Variants in POMGNT1 observed in about 807,000 individuals in gnomAD.
The protein encoded by POMGNT1 is protein O-linked-mannose beta-1,2-N-acetylglucosaminyltransferase 1.
In POMGNT1, 67 loss-of-function variants were observed where a neutral mutation model predicts 95.6. The observed-to-expected ratio is 0.70, with a 90% CI of 0.58 to 0.86. POMGNT1 has a LOEUF of 0.86. Ranked by LOEUF, POMGNT1 falls within the 40% of genes least tolerant of loss-of-function variation. POMGNT1 has a pLI of 0.00. For synonymous variants in POMGNT1, 298 were observed against 317.9 expected (o/e 0.94, Z 0.66); for missense variants, 719 against 855.2 (o/e 0.84, Z 1.99).
chr1:46,190,863 T>C (rs1657711868), intron 17 of POMGNT1, 79 bp from the exon 18 acceptor site: 1 of 1,341,972 alleles, frequency 7.5e-7, no homozygotes, highest in South Asian at 1.2e-5. Context: ...CAGACATCTA[T>C]AAGACACACA....
At chr1:46,207,377 T>G (rs1043211192) in intron 1 of POMGNT1, among the ~76,000 whole-genome samples, 1 of 148,482 alleles carries the variant, frequency 6.7e-6, no homozygotes, top group South Asian at 2.1e-4. Flanking sequence ...ACTGCGCCCA[T>G]CCTAGCTGAG....
At chr1:46,219,693 C>T (rs1022151437) in intron 1 of POMGNT1, 1 of 1,574,664 alleles carries the variant, frequency 6.4e-7, no homozygotes, top group Non-Finnish European at 8.6e-7. Flanking sequence ...TCTCCCACTC[C>T]CCCAGGCTTA....
chr1:46,189,249 C>A lies in POMGNT1; in HGVS notation c.*21G>T. The A allele has an allele frequency of 1.2e-6, 2 of 1,609,494 alleles. No homozygotes were observed. The highest frequency in any genetic ancestry group is 1.7e-6 in the Non-Finnish European group (2 of 1,178,088). ...CCTGGGGGTACACAGTACCCAGCCCCGCAGGGTCCTGGAGGAGGTCTCATG... is the reference window on the plus strand; with the variant it reads ...CCTGGGGGTACACAGTACCCAGCCCAGCAGGGTCCTGGAGGAGGTCTCATG... On this transcript the variant is annotated 3_prime_UTR_variant, in exon 22 of 22. Transcript: ENST00000371984.
At position 46,196,599 on chromosome 1, in the gene POMGNT1, TC is replaced by T; in HGVS notation, c.354+131del. 1 of 1,549,414 alleles carries T rather than the reference TC, an allele frequency of 6.5e-7. No homozygotes were observed. The highest frequency in any genetic ancestry group is 1.2e-5 in the South Asian group (1 of 86,732). ...TTAGTCCCAGTCTATAGATAAGGAA[TC>T]GAGGACTCCAAAGTCACACAGCTAG... On this transcript the variant is annotated intron_variant, in intron 4 of 21. Transcript: ENST00000371984. This position sits in a 1 kb window ranked among gnomAD's most constrained non-coding sequence, Gnocchi z 4.4.
At chr1:46,209,249 C>T (rs563157968) in intron 1 of POMGNT1, among the ~76,000 whole-genome samples, 1 of 152,274 alleles carries the variant, frequency 6.6e-6, no homozygotes, top group South Asian at 2.1e-4. Context: ...GTCTCGAACT[C>T]CCGAACTCAG....
exon 1 of POMGNT1, chr1:46,220,223 A>G (rs764783067): frequency 6.9e-6 from 11 of 1,599,662 alleles, no homozygotes; most frequent in African/African-American, 1.3e-5. Context: ...TCTTGTAACA[A>G]CTATTCCACC....
intron 11 of POMGNT1, 37 bp downstream of exon 11, chr1:46,193,527 T>C: frequency 6.2e-7 from 1 of 1,614,086 alleles, no homozygotes; most frequent in African/African-American, 1.3e-5. Context: ...TGCTCCATGT[T>C]GTACTCCACC....
Position 46,192,422 on chromosome 1 carries a change from C to A in POMGNT1, c.1299G>T (p.Thr433=). 6.2e-7 allele frequency: 1 copy of A among 1,614,138 alleles called. No individual in the cohort carries two copies. Residue 433 remains threonine, a synonymous_variant, in exon 16 of 22, where the codon ACG becomes ACT. Transcript: ENST00000371984. The part of the protein sequence containing the change: ...SAWNDQGYEH[T]AEDPALLYRV... ...GGTACAGTAGTGCTGGGTCCTCAGCCGTGTGTTCATACCCCTGGGGACAGG... is the reference window on the plus strand; with the variant it reads ...GGTACAGTAGTGCTGGGTCCTCAGCAGTGTGTTCATACCCCTGGGGACAGG...
intron 1 of POMGNT1, among the ~76,000 whole-genome samples, chr1:46,219,056 G>A (rs140382161): frequency 0.04 from 6,101 of 152,136 alleles, 166 homozygotes; most frequent in Middle Eastern, 0.065. Flanking sequence ...CAGCACTTTG[G>A]GAGGCTGAGG....
At chr1:46,199,250 T>C (rs899313062), upstream of POMGNT1, among the ~76,000 whole-genome samples, 1 of 152,198 alleles carries the variant, frequency 6.6e-6, no homozygotes, top group Non-Finnish European at 1.5e-5. Flanking sequence ...CTATAGGCGC[T>C]ATTACTATCC....
chr1:46,213,869 A>G (rs1439574841), intron 1 of POMGNT1, among the ~76,000 whole-genome samples: 1 of 152,098 alleles, frequency 6.6e-6, no homozygotes, highest in Non-Finnish European at 1.5e-5. Context: ...GAAAAAAAAA[A>G]AAGATACAGA....
intron 1 of POMGNT1, among the ~76,000 whole-genome samples, chr1:46,219,314 G>C (rs1361281283): frequency 6.6e-6 from 1 of 151,298 alleles, no homozygotes; most frequent in Non-Finnish European, 1.5e-5. Flanking sequence ...AAAAAAAGAA[G>C]TACCCTAAAT....
Position 46,196,346 on chromosome 1 carries a change from A to G in POMGNT1, c.355-269T>C, listed in dbSNP as rs1050335521. ...TCTGCTGTCTCTGCTTCATCCTGGA[A>G]GTATCACAATCCTCCACCACACTGA... On this transcript the variant is annotated intron_variant, in intron 4 of 21. Transcript: ENST00000371984. This position sits in a 1 kb window ranked among gnomAD's most constrained non-coding sequence, Gnocchi z 4.4. Among the ~76,000 whole-genome samples, 5 of 152,186 alleles carry G rather than the reference A, an allele frequency of 3.3e-5. No homozygotes were observed. The highest frequency in any genetic ancestry group is 4.8e-5 in the African/African-American group (2 of 41,430).
Position 46,220,026 on chromosome 1 carries a change from G to C in POMGNT1, c.-372C>G, listed in dbSNP as rs1181277284. ...CGAGATGGACTGGGCAAAAGTTATA[G>C]CTGGTGGAGAGAGGGCCAGGACTGA... On this transcript the variant is annotated 5_prime_UTR_variant, in exon 1 of 23. Transcript: ENST00000371992. 2.5e-6 allele frequency: 4 copies of C among 1,614,238 alleles called. No homozygotes were observed. In the African/African-American group the frequency reaches 5.3e-5, roughly 22 times the overall value.
At chr1:46,194,683 G>T (rs1313158693) in intron 7 of POMGNT1, 32 bp from the exon 8 acceptor site, 10 of 1,614,154 alleles carry the variant, frequency 6.2e-6, no homozygotes, top group Non-Finnish European at 8.5e-6. Flanking sequence ...GGCCATGGGG[G>T]CCCAGACACC....
chr1:46,200,566 G>GCA (rs1252643343), upstream of POMGNT1, among the ~76,000 whole-genome samples: 1 of 152,196 alleles, frequency 6.6e-6, no homozygotes, highest in Non-Finnish European at 1.5e-5. Flanking sequence ...ACAAAGGCTG[G>GCA]CACATAGTAA....
chr1:46,203,172 T>C (rs1301442680), upstream of POMGNT1, among the ~76,000 whole-genome samples: 1 of 152,052 alleles, frequency 6.6e-6, no homozygotes, highest in Non-Finnish European at 1.5e-5. Flanking sequence ...GGTCTCCGAG[T>C]GCTCTTTCAG....
At chr1:46,206,657 G>A (rs756406671) in intron 1 of POMGNT1, among the ~76,000 whole-genome samples, 1 of 152,162 alleles carries the variant, frequency 6.6e-6, no homozygotes, top group East Asian at 1.9e-4. Context: ...TGCTGTCACA[G>A]TCAGGGAATC....
intron 1 of POMGNT1, among the ~76,000 whole-genome samples, chr1:46,207,688 G>A (rs1658763754): frequency 6.6e-6 from 1 of 151,400 alleles, no homozygotes. Flanking sequence ...ACAGGCACCT[G>A]CAAACACACC....
Sources: gnomAD v4.1 joint callset for allele counts (sites outside exome capture counted in the v4.1 genomes callset) on GRCh38, gnomAD v4.1.1 for gene constraint, Gnocchi (gnomAD v3.1) non-coding constraint, MANE v1.5 for transcripts, NCBI Gene and HGNC (gene_info 2026-07-23, HGNC 2026-07-21) for gene names.